BNC2: variants seen among roughly 807,000 people sequenced by gnomAD.
BNC2 encodes basonuclin zinc finger protein 2.
A neutral mutation model predicts 76.3 loss-of-function variants in BNC2; 20 were observed. The ratio of observed to expected loss-of-function variants is 0.26; its 90% CI spans 0.18 to 0.38. The LOEUF (loss-of-function observed/expected upper bound fraction) is 0.38, where lower values mean the gene tolerates loss of function less well. Ranked by LOEUF, BNC2 falls within the 10% of genes least tolerant of loss-of-function variation. The pLI is 1.00. For missense variants in BNC2, 1,382 were observed against 1,399.8 expected, an observed-to-expected ratio of 0.99 and a Z score of 0.20; for synonymous variants, 582 against 514.8, an observed-to-expected ratio of 1.13 and a Z score of -1.77.
chr9:16,571,227 T>A (rs1400858701), intron 4 of BNC2, among the ~76,000 whole-genome samples: 1 of 152,170 alleles, frequency 6.6e-6, no homozygotes, highest in Non-Finnish European at 1.5e-5. Flanking sequence ...CTTTTTTTAA[T>A]TAAAAGTGTG....
intron 3 of BNC2, among the ~76,000 whole-genome samples, chr9:16,621,281 C>A (rs1271320425): frequency 1.3e-5 from 2 of 152,094 alleles, no homozygotes; most frequent in African/African-American, 4.8e-5. Flanking sequence ...AGGGCAGCAC[C>A]AGGGTATACT....
intron 5 of BNC2, among the ~76,000 whole-genome samples, chr9:16,540,884 AG>A (rs1202575274): frequency 6.6e-6 from 1 of 152,180 alleles, no homozygotes; most frequent in African/African-American, 2.4e-5. Flanking sequence ...CTCAGACCTG[AG>A]GAAAAGCACT....
chr9:16,855,311 C>T (rs1819226747), intron 1 of BNC2, among the ~76,000 whole-genome samples: 1 of 152,172 alleles, frequency 6.6e-6, no homozygotes, highest in African/African-American at 2.4e-5. Context: ...ATCCCTTTAC[C>T]AGTGAATTTT....
chr9:16,853,977 G>A (rs1294487605), intron 1 of BNC2, among the ~76,000 whole-genome samples: 6 of 152,124 alleles, frequency 3.9e-5, no homozygotes, highest in Middle Eastern at 6.3e-3. Flanking sequence ...CTTACATGTC[G>A]CCTGAACTTA....
At chr9:16,658,027 A>G (rs76834189) in intron 3 of BNC2, among the ~76,000 whole-genome samples, 12,613 of 152,154 alleles carry the variant, frequency 0.083, 1,673 homozygotes, top group African/African-American at 0.28. Flanking sequence ...TCAATAATAG[A>G]CCGGAATTTC....
intron 1 of BNC2, among the ~76,000 whole-genome samples, chr9:16,804,540 G>C (rs1240606375): frequency 6.6e-6 from 1 of 152,126 alleles, no homozygotes; most frequent in Non-Finnish European, 1.5e-5. Context: ...TGAAAACAGA[G>C]GTTATTTCCC....
intron 5 of BNC2, among the ~76,000 whole-genome samples, chr9:16,464,148 G>C (rs1821653895): frequency 6.6e-6 from 1 of 150,830 alleles, no homozygotes; most frequent in African/African-American, 2.4e-5. Flanking sequence ...TAAAATGGGA[G>C]GAGCTAGTAG....
chr9:16,820,450 C>T (rs1390433508), intron 1 of BNC2, among the ~76,000 whole-genome samples: 1 of 151,826 alleles, frequency 6.6e-6, no homozygotes, highest in Non-Finnish European at 1.5e-5. Context: ...AATAATAAGG[C>T]CCAGAGAAGT....
chr9:16,481,314 C>G (rs1822050768), intron 5 of BNC2, among the ~76,000 whole-genome samples: 1 of 152,086 alleles, frequency 6.6e-6, no homozygotes, highest in African/African-American at 2.4e-5. Context: ...CAGTGGCAAC[C>G]CGCTCGGGTC....
intron 3 of BNC2, among the ~76,000 whole-genome samples, chr9:16,612,585 C>T (rs1043582519): frequency 5.3e-5 from 8 of 152,110 alleles, no homozygotes; most frequent in Non-Finnish European, 1.0e-4. Flanking sequence ...TTATCAAATA[C>T]CTACTATGTA....
intron 5 of BNC2, among the ~76,000 whole-genome samples, chr9:16,507,481 T>C (rs936939361): frequency 6.6e-6 from 1 of 152,116 alleles, no homozygotes; most frequent in Non-Finnish European, 1.5e-5. Flanking sequence ...CAAGCTGGAG[T>C]GCAGTGACAC....
chr9:16,794,801 TG>T (rs1253699414), intron 1 of BNC2, among the ~76,000 whole-genome samples: 2 of 152,184 alleles, frequency 1.3e-5, no homozygotes, highest in African/African-American at 4.8e-5. Flanking sequence ...ACTCCAGATT[TG>T]TTTTTCAAAA....
intron 3 of BNC2, among the ~76,000 whole-genome samples, chr9:16,604,794 T>C (rs773450024): frequency 2.0e-5 from 3 of 151,002 alleles, no homozygotes; most frequent in Admixed American, 6.7e-5. Context: ...CAGAGAGAGA[T>C]TCCAACTCAA....
chr9:16,777,075 G>A (rs1475141250), intron 1 of BNC2, among the ~76,000 whole-genome samples: 3 of 151,976 alleles, frequency 2.0e-5, no homozygotes, highest in Non-Finnish European at 4.4e-5. Flanking sequence ...GCAGTGAGCC[G>A]AGATGGCGCC....
intron 5 of BNC2, among the ~76,000 whole-genome samples, chr9:16,448,450 T>A (rs1345551662): frequency 6.6e-6 from 1 of 152,124 alleles, no homozygotes; most frequent in African/African-American, 2.4e-5. Context: ...ATCTGCACAA[T>A]CAAGATTACT....
chr9:16,717,833 A>C (rs1296463046), intron 3 of BNC2, among the ~76,000 whole-genome samples: 1 of 152,162 alleles, frequency 6.6e-6, no homozygotes, highest in Non-Finnish European at 1.5e-5. Flanking sequence ...AAAAGATCAA[A>C]AGTACAGGAC....
intron 5 of BNC2, among the ~76,000 whole-genome samples, chr9:16,464,449 T>C (rs1262153688): frequency 4.6e-5 from 7 of 152,100 alleles, no homozygotes; most frequent in Middle Eastern, 6.3e-3. Context: ...CTGAGGTCAT[T>C]CAGGATCCGA....
chr9:16,744,498 T>C (rs1413456477), intron 1 of BNC2, among the ~76,000 whole-genome samples: 1 of 152,178 alleles, frequency 6.6e-6, no homozygotes, highest in Admixed American at 6.6e-5. Flanking sequence ...ATGAGTTTGG[T>C]ATGTAGACAA....
At chr9:16,510,355 C>G (rs1334996853) in intron 5 of BNC2, among the ~76,000 whole-genome samples, 4 of 152,162 alleles carry the variant, frequency 2.6e-5, no homozygotes, top group Non-Finnish European at 5.9e-5. Context: ...AGGAAAGTCT[C>G]CTACTTCGTC....
Sources: gnomAD v4.1 joint callset for allele counts (sites outside exome capture counted in the v4.1 genomes callset) on GRCh38, gnomAD v4.1.1 for gene constraint, MANE v1.5 for transcripts, NCBI Gene and HGNC (gene_info 2026-07-23, HGNC 2026-07-21) for gene names.